UTRN: variants seen among roughly 807,000 people sequenced by gnomAD.
UTRN encodes utrophin.
In UTRN, 283 loss-of-function variants were observed where a neutral mutation model predicts 463.9. The observed-to-expected ratio is 0.61, with a 90% confidence interval of 0.55 to 0.67. The LOEUF (loss-of-function observed/expected upper bound fraction) is 0.67. Among genes scored for constraint, UTRN ranks in the 30% least tolerant of loss-of-function variants. UTRN has a pLI of 0.00. For synonymous variants in UTRN, 1,442 were observed against 1,431.5 expected (o/e 1.01, Z -0.17); for missense variants, 3,922 against 4,084.3 (o/e 0.96, Z 1.08).
intron 2 of UTRN, among the ~76,000 whole-genome samples, chr6:144,313,237 A>G (rs955581211): frequency 6.6e-6 from 1 of 152,108 alleles, no homozygotes; most frequent in African/African-American, 2.4e-5. Flanking sequence ...TTCTTTTCAC[A>G]TCCCACTGGC....
At chr6:144,436,823 T>C (rs4895641) in intron 10 of UTRN, among the ~76,000 whole-genome samples, 15,852 of 141,260 alleles carry the variant, frequency 0.11, 1,207 homozygotes, top group East Asian at 0.31. Context: ...TAAAAATAAA[T>C]ATATATTTTA....
chr6:144,784,306 T>C (rs1776113308), intron 61 of UTRN, among the ~76,000 whole-genome samples: 1 of 152,138 alleles, frequency 6.6e-6, no homozygotes, highest in Admixed American at 6.5e-5. Context: ...ACAAGAGAAA[T>C]TTATTTCCTA....
intron 39 of UTRN, among the ~76,000 whole-genome samples, chr6:144,518,786 A>G (rs1013084550): frequency 4.6e-5 from 7 of 152,212 alleles, no homozygotes; most frequent in Admixed American, 3.9e-4. Context: ...AATATATACT[A>G]TACAAGCTAA....
chr6:144,644,177 C>T (rs1778062455), intron 51 of UTRN, among the ~76,000 whole-genome samples: 2 of 152,162 alleles, frequency 1.3e-5, no homozygotes, highest in Admixed American at 1.3e-4. Context: ...GAACTAAATG[C>T]TTGTTAAGTA....
Position 144,843,499 on chromosome 6 carries a change from TAA to T in UTRN, c.10270+2669_10270+2670del, listed in dbSNP as rs1781768993. 3.3e-5 allele frequency among the ~76,000 whole-genome samples: 5 copies of T among 152,128 alleles called. No homozygotes were observed. The South Asian group carries it at 1.0e-3, about 32-fold the overall frequency. On this transcript the variant is annotated intron_variant, in intron 73 of 74. Transcript: ENST00000367545. Reference sequence around the variant, plus strand: ...TAGAGCAAAAATGAATTGTAACAGGTAAATGTATGTATCTCTTTTTATGGCCT... The same window carrying T: ...TAGAGCAAAAATGAATTGTAACAGGTATGTATGTATCTCTTTTTATGGCCT...
intron 72 of UTRN, among the ~76,000 whole-genome samples, chr6:144,840,282 A>T (rs1314255301): frequency 6.6e-6 from 1 of 152,188 alleles, no homozygotes; most frequent in East Asian, 1.9e-4. Flanking sequence ...CATCCTAGTG[A>T]AAAGTATCTT....
intron 3 of UTRN, among the ~76,000 whole-genome samples, chr6:144,420,005 A>T (rs939882561): frequency 6.6e-6 from 1 of 151,940 alleles, no homozygotes; most frequent in Non-Finnish European, 1.5e-5. Flanking sequence ...CACAATAAAA[A>T]CAGATAAGGA....
intron 3 of UTRN, among the ~76,000 whole-genome samples, chr6:144,411,588 G>A (rs891860008): frequency 6.6e-6 from 1 of 152,106 alleles, no homozygotes; most frequent in African/African-American, 2.4e-5. Context: ...TCTGTTACAT[G>A]TCTGTATGAC....
chr6:144,835,849 G>T lies in UTRN; in HGVS notation c.9735G>T (p.Pro3245=). ...TLGGESPVSQ[P]QSPAQILKSV... is the part of the protein sequence containing the mutation. ...GAGGAGAGTCCCCAGTGAGCCAGCC[G>T]CAGAGCCCAGCTCAGATCCTGAAGT... is the stretch of plus-strand genomic sequence containing the variant. Residue 3245 remains proline (P), a synonymous_variant, in exon 70 of 75, where the codon CCG becomes CCT. Transcript: ENST00000367545. 6.2e-7 allele frequency: 1 copy of T among 1,614,120 alleles called. No individual in the cohort carries two copies. The highest frequency in any genetic ancestry group is 1.6e-4 in the Middle Eastern group (1 of 6,062).
At chr6:144,387,990 TC>T (rs1781556157) in intron 2 of UTRN, among the ~76,000 whole-genome samples, 1 of 152,224 alleles carries the variant, frequency 6.6e-6, no homozygotes, top group African/African-American at 2.4e-5. Flanking sequence ...TTCCTACTTG[TC>T]CTCATTAAAG....
intron 2 of UTRN, among the ~76,000 whole-genome samples, chr6:144,359,595 G>A (rs1164125109): frequency 6.6e-6 from 1 of 152,068 alleles, no homozygotes; most frequent in Non-Finnish European, 1.5e-5. Flanking sequence ...ATTGAATTGT[G>A]AGTACCCAAA....
chr6:144,722,856 C>T (rs774699828), intron 53 of UTRN, among the ~76,000 whole-genome samples: 25 of 152,158 alleles, frequency 1.6e-4, no homozygotes, highest in Non-Finnish European at 3.1e-4. Context: ...CCGCCCTCCC[C>T]ATCCAAGCTG....
intron 34 of UTRN, among the ~76,000 whole-genome samples, chr6:144,509,815 G>A (rs1042074917): frequency 6.6e-6 from 1 of 151,950 alleles, no homozygotes; most frequent in African/African-American, 2.4e-5. Context: ...AAAAAAGTAT[G>A]TGTACTATTT....
chr6:144,615,194 G>T (rs1000591795), intron 51 of UTRN, among the ~76,000 whole-genome samples: 3 of 152,072 alleles, frequency 2.0e-5, no homozygotes, highest in African/African-American at 7.2e-5. Flanking sequence ...TTTCAGTGGA[G>T]AGTCAGTATT....
chr6:144,771,466 C>T (rs1793997979), intron 58 of UTRN, among the ~76,000 whole-genome samples: 1 of 151,996 alleles, frequency 6.6e-6, no homozygotes, highest in African/African-American at 2.4e-5. Flanking sequence ...CACTCTGTCA[C>T]CCAGGCTACA....
intron 58 of UTRN, among the ~76,000 whole-genome samples, chr6:144,766,205 A>G (rs1431921858): frequency 6.6e-6 from 1 of 152,096 alleles, no homozygotes; most frequent in Non-Finnish European, 1.5e-5. Context: ...CATTCTTCCT[A>G]TATTCTAGTC....
At chr6:144,404,310 C>T (rs1783192299) in intron 3 of UTRN, among the ~76,000 whole-genome samples, 1 of 152,148 alleles carries the variant, frequency 6.6e-6, no homozygotes, top group Admixed American at 6.5e-5. Flanking sequence ...TAGGATTATT[C>T]CAAATCACAT....
intron 53 of UTRN, among the ~76,000 whole-genome samples, chr6:144,705,492 G>A (rs1337631104): frequency 1.3e-5 from 2 of 152,184 alleles, no homozygotes; most frequent in Non-Finnish European, 2.9e-5. Context: ...AGGGCCCACT[G>A]TCTGGTTCAT....
chr6:144,749,766 A>T (rs1003944790), intron 55 of UTRN, among the ~76,000 whole-genome samples: 1 of 152,204 alleles, frequency 6.6e-6, no homozygotes, highest in Non-Finnish European at 1.5e-5. Flanking sequence ...CCTGTGGCTT[A>T]TATAGGGAAA....
Sources: allele counts gnomAD v4.1 joint callset (sites outside exome capture counted in the v4.1 genomes callset), GRCh38; gene constraint gnomAD v4.1.1; transcripts MANE v1.5; gene names NCBI Gene and HGNC (gene_info 2026-07-23, HGNC 2026-07-21).